Variants in PHLDA3 observed in about 807,000 individuals in gnomAD.
The protein encoded by PHLDA3 is pleckstrin homology like domain family A member 3.
PHLDA3 carries 12 observed loss-of-function variants against 7.6 expected under a neutral mutation model. The ratio of observed to expected loss-of-function variants is 1.58; its 90% CI spans 1.01 to 2.55. The LOEUF (loss-of-function observed/expected upper bound fraction) is 2.55, where lower values mean the gene tolerates loss of function less well. PHLDA3 is among the 30% of genes most tolerant of loss of function. PHLDA3 has a pLI of 0.00. For synonymous variants in PHLDA3, 104 were observed against 85.1 expected, an observed-to-expected ratio of 1.22 and a Z score of -1.23; for missense variants, 177 against 175.6, an observed-to-expected ratio of 1.01 and a Z score of -0.05.
Position 201,468,708 on chromosome 1 carries a change from T to TCCACAGCTGCAGCAGC in PHLDA3, c.63_78dup (p.Lys27AlafsTer205). ...TCGGTGAGGACGCAGCGCTTCCGCT[T>TCCACAGCTGCAGCAGC]CCACAGCTGCAGCAGCCCGCCGCTG... is the stretch of plus-strand genomic sequence containing the variant. On this transcript the variant is annotated frameshift_variant, in exon 1 of 2. Coordinates refer to ENST00000367311, the MANE Select transcript of PHLDA3 (RefSeq NM_012396.5). LOFTEE classifies it high-confidence loss of function. 2 of 1,607,284 alleles carry TCCACAGCTGCAGCAGC rather than the reference T, an allele frequency of 1.2e-6. No homozygotes were observed. The highest frequency in any genetic ancestry group is 1.7e-6 in the Non-Finnish European group (2 of 1,179,172).
Position 201,468,586 on chromosome 1 carries a change from G to A in PHLDA3, c.201C>T (p.Thr67=), listed in dbSNP as rs1470666166. The change falls in exon 1 of 2, where the codon ACC becomes ACT. Residue 67 remains threonine (T), a synonymous_variant. Transcript: ENST00000367311. ...CCAGCGTGAAGTAGATGTGGCGCCC[G>A]GTGCTCTCCACGCACTCCACGGCCT... is the stretch of plus-strand genomic sequence containing the variant. The part of the protein sequence containing the change: ...RIKAVECVES[T]GRHIYFTLVT... 3.7e-6 allele frequency: 6 copies of A among 1,613,796 alleles called. No individual in the cohort carries two copies. The highest frequency in any genetic ancestry group is 3.3e-5 in the Admixed American group (2 of 60,014).
chr1:201,467,833 T>C (rs1663707900), intron 1 of PHLDA3, among the ~76,000 whole-genome samples: 1 of 152,182 alleles, frequency 6.6e-6, no homozygotes, highest in Non-Finnish European at 1.5e-5. Context: ...GGAGATACTG[T>C]CTTTCTACAT....
At position 201,468,397 on chromosome 1, in the gene PHLDA3, G is replaced by A. The variant is rs1406100096; in HGVS notation, c.*6C>T. On this transcript the variant is annotated 3_prime_UTR_variant, in exon 1 of 2. Transcript: ENST00000367311. The stretch of plus-strand genomic sequence containing the variant: ...AGCATGAAGGAAAGATGGTGCGCCC[G>A]GTGGTTTAGGACACGAGGGTCCCGG... 1.2e-5 allele frequency: 20 copies of A among 1,613,706 alleles called. No individual in the cohort carries two copies. The East Asian group carries it at 4.2e-4, about 34-fold the overall frequency.
At position 201,465,619 on chromosome 1, in the gene PHLDA3, T is replaced by A. The variant is rs1246141431; in HGVS notation, c.*622A>T. The A allele has an allele frequency of 6.5e-6, 1 of 154,316 alleles. No homozygotes were observed. The highest frequency in any genetic ancestry group is 2.4e-5 in the African/African-American group (1 of 41,292). The allele number at this position is 154,316 out of a possible 1,614,324, so 9.6% of individuals were successfully genotyped here. On this transcript the variant is annotated 3_prime_UTR_variant, in exon 2 of 2. Coordinates refer to ENST00000367311, the MANE Select transcript of PHLDA3 (RefSeq NM_012396.5). ...GCAGTGGGGGGAAGATGCGTAGAGG[T>A]GGGGGAAGAAGTGTGCAAAGAAAGG... is the stretch of plus-strand genomic sequence containing the variant.
Position 201,469,027 on chromosome 1 carries a change from T to C in PHLDA3, c.-241A>G. The C allele has an allele frequency of 2.4e-6, 1 of 416,506 alleles. No homozygotes were observed. The allele number at this position is 416,506 out of a possible 1,614,324, so 25.8% of individuals were successfully genotyped here. ...CTTCAGCCGGCACCCGCTCCTCCGCTCTACCCCAGCTGGCCCAGCCCGACC... is the reference window on the plus strand; with the variant it reads ...CTTCAGCCGGCACCCGCTCCTCCGCCCTACCCCAGCTGGCCCAGCCCGACC... On this transcript the variant is annotated 5_prime_UTR_variant, in exon 1 of 2. Coordinates refer to ENST00000367311, the MANE Select transcript of PHLDA3 (RefSeq NM_012396.5).
intron 1 of PHLDA3, chr1:201,467,665 C>G (rs1237404084): frequency 1.3e-5 from 2 of 152,092 alleles, no homozygotes; most frequent in African/African-American, 4.9e-5. Context: ...CACACACACA[C>G]ACACACACAC....
At position 201,469,107 on chromosome 1, in the gene PHLDA3, C is replaced by A. The variant is rs1198400241; in HGVS notation, c.-321G>T. The A allele has an allele frequency of 1.0e-5, 3 of 288,214 alleles. No homozygotes were observed. Among genetic ancestry groups the A allele is most frequent in the Non-Finnish European group, 1.9e-5 (3 of 156,954 alleles). The allele number at this position is 288,214 out of a possible 1,614,324, so 17.9% of individuals were successfully genotyped here. A position where few individuals can be genotyped will look rare whatever the true frequency, so the allele number is the denominator to read the frequency against. On this transcript the variant is annotated 5_prime_UTR_variant, in exon 1 of 2. Coordinates refer to ENST00000367311, the MANE Select transcript of PHLDA3 (RefSeq NM_012396.5). ...TAGGCCGTGAGCCCCACCGCCCGCC[C>A]GTTCTCTTGCTCCCCTGGGCTCTGT...
rs779812055 is a variant in PHLDA3, at chr1:201,468,441, C to G, written c.346G>C (p.Ala116Pro). ...GTCCCGGTCCCGAGGCTCTGCCGGG[C>G]CCGCACTGTCTGGATGGCCTGCTGG... ...KNQQAIQTVR[A>P]RQSLGTGTLV... Residue 116 changes from alanine (A) to proline (P), a missense_variant, in exon 1 of 2, where the codon GCC becomes CCC. Transcript: ENST00000367311. 6.2e-7 allele frequency: 1 copy of G among 1,614,124 alleles called. No individual in the cohort carries two copies. The highest frequency in any genetic ancestry group is 1.1e-5 in the South Asian group (1 of 91,068).
chr1:201,468,381 G>A lies in PHLDA3; in HGVS notation c.*22C>T, dbSNP rs1558299502. 2 of 1,613,496 alleles carry A rather than the reference G, an allele frequency of 1.2e-6. No homozygotes were observed. Among genetic ancestry groups the A allele is most frequent in the Admixed American group, 1.7e-5 (1 of 59,848 alleles). On this transcript the variant is annotated 3_prime_UTR_variant, in exon 1 of 2. Coordinates refer to ENST00000367311, the MANE Select transcript of PHLDA3 (RefSeq NM_012396.5). The stretch of plus-strand genomic sequence containing the variant: ...CACTGAGGTGGTGGGTAGCATGAAG[G>A]AAAGATGGTGCGCCCGGTGGTTTAG...
In PHLDA3 at chr1:201,468,259, A is replaced by T. The variant is rs528074022; in HGVS notation, c.*62+82T>A. The T allele has an allele frequency of 3.0e-6, 3 of 987,884 alleles. No individual in the cohort carries two copies. In the South Asian group the frequency reaches 5.0e-5, roughly 16 times the overall value. 61.2% of individuals were successfully genotyped at this position (987,884 alleles called of 1,614,324 possible). On this transcript the variant is annotated intron_variant, in intron 1 of 1. Coordinates refer to ENST00000367311, the MANE Select transcript of PHLDA3 (RefSeq NM_012396.5). ...CCCCTAAGATGTCCGGCTCTGAAGTAGAATGCTAGTCCTCATTCTCTCTGT... is the reference window on the plus strand; with the variant it reads ...CCCCTAAGATGTCCGGCTCTGAAGTTGAATGCTAGTCCTCATTCTCTCTGT...
chr1:201,468,581 C>A lies in PHLDA3; in HGVS notation c.206G>T (p.Arg69Leu), dbSNP rs1185953601. 3 of 1,613,868 alleles carry A rather than the reference C, an allele frequency of 1.9e-6. No homozygotes were observed. The African/African-American group carries it at 4.0e-5, about 22-fold the overall frequency. The change falls in exon 1 of 2, where the codon CGC becomes CTC. Residue 69 changes from arginine (R) to leucine (L), a missense_variant. Physicochemically the swap from Arg to Leu is moderately radical, Grantham distance 102 (BLOSUM62 -2). Transcript: ENST00000367311. ...GGTCACCAGCGTGAAGTAGATGTGG[C>A]GCCCGGTGCTCTCCACGCACTCCAC... is the stretch of plus-strand genomic sequence containing the variant. ...KAVECVESTG[R>L]HIYFTLVTEG...
Position 201,464,461 on chromosome 1 carries a change from C to G in PHLDA3, c.*1780G>C, listed in dbSNP as rs1326796663. ...CAACTGTGTGATGTAATTCACACAT[C>G]AGATGAGCAAGTTGAACCTCTTGTG... On this transcript the variant is annotated 3_prime_UTR_variant, in exon 2 of 2. Transcript: ENST00000367311. 1 of 152,222 alleles carries G rather than the reference C, an allele frequency of 6.6e-6. No individual in the cohort carries two copies. The highest frequency in any genetic ancestry group is 1.5e-5 in the Non-Finnish European group (1 of 68,062). 9.4% of individuals were successfully genotyped at this position (152,222 alleles called of 1,614,324 possible). A position where few individuals can be genotyped will look rare whatever the true frequency, so the allele number is the denominator to read the frequency against.
chr1:201,467,675 CACACACAT>C (rs746135474), intron 1 of PHLDA3: 438 of 148,230 alleles, frequency 3.0e-3, no homozygotes, highest in Non-Finnish European at 5.1e-3. Flanking sequence ...CACACACACA[CACACACAT>C]ATGTAGAGGA....
At position 201,468,359 on chromosome 1, in the gene PHLDA3, T is replaced by G. The variant is rs1330680581; in HGVS notation, c.*44A>C. On this transcript the variant is annotated 3_prime_UTR_variant, in exon 1 of 2. Transcript: ENST00000367311. ...GGCTTACCTGCCTTGACCTCAGCAC[T>G]GAGGTGGTGGGTAGCATGAAGGAAA... The G allele has an allele frequency of 3.7e-6, 6 of 1,610,570 alleles. No individual in the cohort carries two copies. In the South Asian group the frequency reaches 6.6e-5, roughly 18 times the overall value.
rs1315122413 is a variant in PHLDA3 at position 201,468,725 on chromosome 1, C to G, written c.62G>C (p.Gly21Ala). The G allele has an allele frequency of 6.2e-7, 1 of 1,602,438 alleles. No individual in the cohort carries two copies. Among genetic ancestry groups the G allele is most frequent in the Admixed American group, 1.7e-5 (1 of 59,416 alleles). The change falls in exon 1 of 2, where the codon GGG becomes GCG. Residue 21 changes from glycine (G) to alanine (A), a missense_variant. Coordinates refer to ENST00000367311, the MANE Select transcript of PHLDA3 (RefSeq NM_012396.5). ...KEGVLEKRSG[G>A]LLQLWKRKRC... ...CTTCCGCTTCCACAGCTGCAGCAGC[C>G]CGCCGCTGCGCTTCTCCAGCACGCC...
rs900027733 is a variant in PHLDA3 at position 201,464,782 on chromosome 1, C to T, written c.*1459G>A. 2.0e-5 allele frequency: 3 copies of T among 150,606 alleles called. No homozygotes were observed. Among genetic ancestry groups the T allele is most frequent in the Non-Finnish European group, 3.0e-5 (2 of 67,772 alleles). 9.3% of individuals were successfully genotyped at this position (150,606 alleles called of 1,614,324 possible). A position where few individuals can be genotyped will look rare whatever the true frequency, so the allele number is the denominator to read the frequency against. ...CAAGTTTCTGTACAACTCCAGGCAGCTATTGTCTGTACCTGTTTTCCCGTT... is the reference window on the plus strand; with the variant it reads ...CAAGTTTCTGTACAACTCCAGGCAGTTATTGTCTGTACCTGTTTTCCCGTT... On this transcript the variant is annotated 3_prime_UTR_variant, in exon 2 of 2. Transcript: ENST00000367311.
chr1:201,466,358 T>C (rs1284085026), intron 1 of PHLDA3, 180 bp from the exon 2 acceptor site: 3 of 152,056 alleles, frequency 2.0e-5, no homozygotes, highest in Non-Finnish European at 4.4e-5. Flanking sequence ...ACCTGAGGGA[T>C]CAATGTGGAT....
In PHLDA3 at chr1:201,468,909, G is replaced by C; in HGVS notation, c.-123C>G. On this transcript the variant is annotated 5_prime_UTR_variant, in exon 1 of 2. Transcript: ENST00000367311. The stretch of plus-strand genomic sequence containing the variant: ...CGTGCGCGCTGCCCACCTGCGCCCT[G>C]ACTGCTCCGCGCACCCACACCGCGG... 9.0e-7 allele frequency: 1 copy of C among 1,113,766 alleles called. No homozygotes were observed. Among genetic ancestry groups the C allele is most frequent in the Non-Finnish European group, 1.2e-6 (1 of 848,210 alleles). 69.0% of individuals were successfully genotyped at this position (1,113,766 alleles called of 1,614,324 possible).
At chr1:201,467,672 A>G (rs146858789) in intron 1 of PHLDA3, 7,998 of 153,254 alleles carry the variant, frequency 0.052, 389 homozygotes, top group East Asian at 0.17. Context: ...ACACACACAC[A>G]CACACACACA....
Sources: allele counts gnomAD v4.1 joint callset (sites outside exome capture counted in the v4.1 genomes callset), GRCh38; gene constraint gnomAD v4.1.1; transcripts MANE v1.5; gene names NCBI Gene and HGNC (gene_info 2026-07-23, HGNC 2026-07-21).